Variants in CHST15 observed in about 807,000 individuals in gnomAD.
CHST15 encodes carbohydrate sulfotransferase 15, also known as B cell RAG associated protein (GALNAC4S-6ST).
CHST15 carries 30 observed loss-of-function variants against 53.6 expected under a neutral mutation model. That is an observed-to-expected ratio of 0.56 (90% CI 0.42 to 0.76). The LOEUF (loss-of-function observed/expected upper bound fraction) is 0.76, where lower values mean the gene tolerates loss of function less well. Ranked by LOEUF, CHST15 falls within the 30% of genes least tolerant of loss-of-function variation. The pLI is 0.00. For missense variants in CHST15, 627 were observed against 740.5 expected (o/e 0.85, Z 1.78); for synonymous variants, 296 against 289.8 (o/e 1.02, Z -0.22).
intron 5 of CHST15, among the ~76,000 whole-genome samples, chr10:124,023,711 C>T (rs891478086): frequency 1.3e-5 from 2 of 152,140 alleles, no homozygotes; most frequent in Non-Finnish European, 2.9e-5. Flanking sequence ...TCACACTTCT[C>T]TCTCCTCAAA....
chr10:124,028,302 T>C (rs9422308), intron 5 of CHST15, among the ~76,000 whole-genome samples: 57,938 of 152,024 alleles, frequency 0.38, 11,680 homozygotes, highest in East Asian at 0.76. Context: ...TAGAGTTTGA[T>C]GGTTCCTGTT....
chr10:124,021,021 G>A, intron 6 of CHST15: 1 of 1,430,184 alleles, frequency 7.0e-7, no homozygotes, highest in East Asian at 2.5e-5. Context: ...CCTGCTGAGG[G>A]AGGAGGGGGA....
At chr10:124,014,659 C>G (rs1384331436) in intron 6 of CHST15, among the ~76,000 whole-genome samples, 1 of 152,178 alleles carries the variant, frequency 6.6e-6, no homozygotes, top group Non-Finnish European at 1.5e-5. Context: ...GCTTGTAGGC[C>G]GTCCCTCGTA....
At chr10:124,045,082 G>A (rs1947913690) in intron 2 of CHST15, among the ~76,000 whole-genome samples, 163 bp from the exon 3 acceptor site, 1 of 124,158 alleles carries the variant, frequency 8.1e-6, no homozygotes, top group Non-Finnish European at 1.6e-5. Flanking sequence ...GACGGTCAAT[G>A]ACTGTGCTTT....
Position 124,042,344 on chromosome 10 carries a change from G to A in CHST15, c.990C>T (p.Ala330=). 6.2e-7 allele frequency: 1 copy of A among 1,614,192 alleles called. No homozygotes were observed. The change falls in exon 4 of 8, where the codon GCC becomes GCT. Residue 330 remains alanine, a synonymous_variant. Transcript: ENST00000435907. The part of the protein sequence containing the change: ...AAHQIHQGLQ[A]SSAKEQSKMN... ...TCTTGCTCTGCTCCTTTGCAGAGCT[G>A]GCCTGCAGTCCTTGATGGATCTGGT...
chr10:124,021,449 G>C (rs1169013509), intron 5 of CHST15, 37 bp from the exon 6 acceptor site: 1 of 1,579,720 alleles, frequency 6.3e-7, no homozygotes, highest in Admixed American at 1.7e-5. Flanking sequence ...TACCACCCAT[G>C]AACATGCAAT....
intron 1 of CHST15, among the ~76,000 whole-genome samples, chr10:124,088,550 GTTC>G (rs1949508759): frequency 1.3e-5 from 2 of 152,170 alleles, no homozygotes; most frequent in Admixed American, 1.3e-4. Context: ...AGCCACAGTT[GTTC>G]TTCTCCCCTC....
chr10:124,009,944 T>G lies in CHST15; in HGVS notation c.*205A>C, dbSNP rs927708612. 3 of 1,415,016 alleles carry G rather than the reference T, an allele frequency of 2.1e-6. No individual in the cohort carries two copies. In the African/African-American group the frequency reaches 4.3e-5, roughly 20 times the overall value. 87.7% of individuals were successfully genotyped at this position (1,415,016 alleles called of 1,614,324 possible). A position where few individuals can be genotyped will look rare whatever the true frequency, so the allele number is the denominator to read the frequency against. ...AACTGGGGTCTCCAATGGCCTCGGA[T>G]AGAGGAGCTCTGTGAGGGGTCCATT... On this transcript the variant is annotated 3_prime_UTR_variant, in exon 8 of 8. Coordinates refer to ENST00000435907, the MANE Select transcript of CHST15 (RefSeq NM_001270764.2).
chr10:124,053,253 G>A (rs1948264004), intron 1 of CHST15, among the ~76,000 whole-genome samples: 1 of 152,192 alleles, frequency 6.6e-6, no homozygotes, highest in Non-Finnish European at 1.5e-5. Context: ...CCTTCGGTTT[G>A]AGTTGGGTGG....
At chr10:124,011,533 G>A (rs1287513019) in intron 7 of CHST15, 21 of 985,352 alleles carry the variant, frequency 2.1e-5, no homozygotes, top group Non-Finnish European at 2.4e-5. Flanking sequence ...ATTAGTCAGG[G>A]CTGCAGGAGG....
chr10:124,045,321 A>G (rs551715516), intron 2 of CHST15, among the ~76,000 whole-genome samples: 1 of 152,304 alleles, frequency 6.6e-6, no homozygotes, highest in Non-Finnish European at 1.5e-5. Flanking sequence ...ATCAAATTTA[A>G]CGCAACTTTA....
intron 5 of CHST15, among the ~76,000 whole-genome samples, chr10:124,025,558 C>T (rs1564858651): frequency 6.6e-6 from 1 of 152,208 alleles, no homozygotes; most frequent in African/African-American, 2.4e-5. Context: ...GGACTAGATT[C>T]ACCACAAGCC....
At position 124,008,005 on chromosome 10, in the gene CHST15, A is replaced by T; in HGVS notation, c.*2144T>A. The T allele has an allele frequency of 5.7e-6, 7 of 1,231,982 alleles. No individual in the cohort carries two copies. Among genetic ancestry groups the T allele is most frequent in the Non-Finnish European group, 7.1e-6 (7 of 987,826 alleles). 76.3% of individuals were successfully genotyped at this position (1,231,982 alleles called of 1,614,324 possible). ...TCTGGAGAGAAAGGCCCCTGGAGGG[A>T]AAAACCATGTCTGGATGGCATTGAG... On this transcript the variant is annotated 3_prime_UTR_variant, in exon 8 of 8. Coordinates refer to ENST00000435907, the MANE Select transcript of CHST15 (RefSeq NM_001270764.2).
chr10:124,078,414 T>C (rs1413052482), intron 1 of CHST15, among the ~76,000 whole-genome samples: 1 of 152,348 alleles, frequency 6.6e-6, no homozygotes, highest in East Asian at 1.9e-4. Flanking sequence ...TGAAATAAAG[T>C]AGATAAAACC....
intron 1 of CHST15, among the ~76,000 whole-genome samples, chr10:124,072,229 T>TA (rs374068051): frequency 3.3e-5 from 5 of 152,254 alleles, no homozygotes; most frequent in African/African-American, 1.2e-4. Context: ...TGTTGTGAGT[T>TA]ACAAATTTGA....
At chr10:124,056,682 C>G (rs556857056) in intron 1 of CHST15, among the ~76,000 whole-genome samples, 1 of 152,234 alleles carries the variant, frequency 6.6e-6, no homozygotes, top group Admixed American at 6.5e-5. Flanking sequence ...AGGCAGGCCC[C>G]GGTGCGCAGC....
intron 6 of CHST15, among the ~76,000 whole-genome samples, chr10:124,016,842 T>C (rs1343219663): frequency 1.3e-5 from 2 of 152,166 alleles, no homozygotes; most frequent in South Asian, 2.1e-4. Context: ...CTCTCACAGA[T>C]GGAGTTTTAG....
chr10:124,076,883 G>A (rs1368032018), intron 1 of CHST15, among the ~76,000 whole-genome samples: 4 of 151,824 alleles, frequency 2.6e-5, no homozygotes, highest in Admixed American at 1.3e-4. Flanking sequence ...CTACTTTTTT[G>A]TATTTTTAGT....
chr10:124,090,186 C>T (rs555620064), intron 1 of CHST15, among the ~76,000 whole-genome samples: 1 of 152,354 alleles, frequency 6.6e-6, no homozygotes, highest in East Asian at 1.9e-4. Context: ...AGGGCACTCA[C>T]CCCTAACCCT....
Sources: allele counts gnomAD v4.1 joint callset (sites outside exome capture counted in the v4.1 genomes callset), GRCh38; gene constraint gnomAD v4.1.1; transcripts MANE v1.5; gene names NCBI Gene and HGNC (gene_info 2026-07-23, HGNC 2026-07-21).